The following GLRA2 variants were observed in gnomAD, a reference collection of about 807,000 sequenced individuals.
GLRA2 encodes the protein glycine receptor subunit alpha-2.
Under a neutral mutation model 31.6 loss-of-function variants are expected in GLRA2, and 11 were observed. The observed-to-expected ratio is 0.35, with a 90% CI of 0.22 to 0.58. GLRA2 has a LOEUF of 0.58. Ranked by LOEUF, GLRA2 falls within the 20% of genes least tolerant of loss-of-function variation. GLRA2 has a pLI of 0.84. For missense variants in GLRA2, 212 were observed against 351.8 expected (o/e 0.60, Z 3.18); for synonymous variants, 132 against 134.0 (o/e 0.99, Z 0.10).
chrX:14,627,874 G>A (rs780575464), intron 7 of GLRA2, among the ~76,000 whole-genome samples: 1 of 112,094 alleles, frequency 8.9e-6, no homozygotes, highest in African/African-American at 3.2e-5. Context: ...ATGGAAGACC[G>A]TTTCGTTTTA....
At chrX:14,651,327 G>C (rs183336279) in intron 7 of GLRA2, among the ~76,000 whole-genome samples, 1 of 111,279 alleles carries the variant, frequency 9.0e-6, no homozygotes, top group Non-Finnish European at 1.9e-5. Flanking sequence ...AAGCAGTGTA[G>C]TTTTTTTAGA....
intron 8 of GLRA2, among the ~76,000 whole-genome samples, chrX:14,696,149 G>A (rs1488735859): frequency 1.0e-5 from 1 of 97,802 alleles, no homozygotes; most frequent in Non-Finnish European, 2.0e-5. Flanking sequence ...AAGGAAGGAA[G>A]AAAGAAACCA....
intron 8 of GLRA2, among the ~76,000 whole-genome samples, chrX:14,708,905 T>C (rs1277921174): frequency 2.7e-5 from 3 of 109,823 alleles, no homozygotes; most frequent in African/African-American, 1.0e-4. Flanking sequence ...CATTGCACTC[T>C]AGTCTGGGCA....
At chrX:14,694,280 A>C (rs777939608) in intron 8 of GLRA2, among the ~76,000 whole-genome samples, 18 of 111,335 alleles carry the variant, frequency 1.6e-4, no homozygotes, top group Non-Finnish European at 3.0e-4. Flanking sequence ...TTTCTGCACA[A>C]TCTCACTCCC....
At chrX:14,532,451 G>T in intron 2 of GLRA2, 79 bp downstream of exon 2, 1 of 591,879 alleles carries the variant, frequency 1.7e-6, no homozygotes, top group Non-Finnish European at 2.5e-6. Context: ...AACATTTTCA[G>T]GGCTTTTAAT....
intron 7 of GLRA2, among the ~76,000 whole-genome samples, chrX:14,649,605 T>C (rs1388767904): frequency 8.9e-6 from 1 of 112,081 alleles, no homozygotes; most frequent in Non-Finnish European, 1.9e-5. Context: ...CCTTGTAATT[T>C]AAAAAAGTTA....
rs2091340180 is a variant in GLRA2 at position 14,690,799 on chromosome X, C to T, written c.1020C>T (p.Phe340=). The change falls in exon 8 of 9, where the codon TTC becomes TTT. Residue 340 remains phenylalanine (F), a synonymous_variant. Transcript: ENST00000218075. ...TACTGGAATACGCAGCGGTGAACTTCGTCTCCAGGCAACACAAGGAGTTCC... is the reference window on the plus strand; with the variant it reads ...TACTGGAATACGCAGCGGTGAACTTTGTCTCCAGGCAACACAAGGAGTTCC... ...AALLEYAAVN[F]VSRQHKEFLR... 7 of 1,200,980 alleles carry T rather than the reference C, an allele frequency of 5.8e-6. No homozygotes were observed. Among genetic ancestry groups the T allele is most frequent in the African/African-American group, 5.3e-5 (3 of 56,617 alleles).
intron 2 of GLRA2, among the ~76,000 whole-genome samples, chrX:14,542,850 G>C (rs2089424338): frequency 1.8e-5 from 2 of 109,994 alleles, no homozygotes; most frequent in Non-Finnish European, 3.8e-5. Flanking sequence ...AATGAGTTGT[G>C]TCTAACCTCC....
At chrX:14,644,330 TGGG>T (rs994072460) in intron 7 of GLRA2, among the ~76,000 whole-genome samples, 3 of 111,918 alleles carry the variant, frequency 2.7e-5, no homozygotes, top group African/African-American at 6.5e-5. Flanking sequence ...GATAGACTAG[TGGG>T]ATAGTCGAAT....
At chrX:14,525,644 C>T (rs1017056269), upstream of GLRA2, among the ~76,000 whole-genome samples, 1 of 110,904 alleles carries the variant, frequency 9.0e-6, no homozygotes, top group African/African-American at 3.3e-5. Flanking sequence ...AGTCACATAA[C>T]CAATGAGTGT....
At chrX:14,569,003 C>T (rs2089848011) in intron 2 of GLRA2, among the ~76,000 whole-genome samples, 1 of 111,689 alleles carries the variant, frequency 9.0e-6, no homozygotes, top group Non-Finnish European at 1.9e-5. Context: ...GCCTGTAATC[C>T]CAGCACTTTG....
At chrX:14,562,820 T>C (rs1244734325) in intron 2 of GLRA2, among the ~76,000 whole-genome samples, 2 of 111,397 alleles carry the variant, frequency 1.8e-5, no homozygotes, top group African/African-American at 6.5e-5. Context: ...ATAGACCTTA[T>C]CTCCAAATAT....
chrX:14,650,462 T>C (rs983510031), intron 7 of GLRA2, among the ~76,000 whole-genome samples: 1 of 110,453 alleles, frequency 9.1e-6, no homozygotes, highest in Non-Finnish European at 1.9e-5. Flanking sequence ...GAAGGGAAAA[T>C]ACATCTGAAT....
At chrX:14,664,517 C>T (rs1419622753) in intron 7 of GLRA2, among the ~76,000 whole-genome samples, 2 of 111,630 alleles carry the variant, frequency 1.8e-5, no homozygotes, top group African/African-American at 6.5e-5. Flanking sequence ...TTAGATCTTC[C>T]ATTTGATCTC....
chrX:14,728,515 G>A lies in GLRA2; in HGVS notation c.1081-1692G>A, dbSNP rs148169613. On this transcript the variant is annotated intron_variant, in intron 8 of 8. Transcript: ENST00000218075. The stretch of plus-strand genomic sequence containing the variant: ...TGTTTTCCCACCTGATTTTCCTAGA[G>A]ATCAAATTTACATGGCGAAGGATGA... 3.2e-3 allele frequency among the ~76,000 whole-genome samples: 354 copies of A among 112,146 alleles called. 1 individual carries two copies. Among genetic ancestry groups the A allele is most frequent in the African/African-American group, 0.01 (321 of 30,893 alleles).
chrX:14,692,872 A>G (rs2091381478), intron 8 of GLRA2, among the ~76,000 whole-genome samples: 1 of 111,755 alleles, frequency 8.9e-6, no homozygotes, highest in Non-Finnish European at 1.9e-5. Flanking sequence ...GGCATTACAT[A>G]ATAACAGATA....
chrX:14,522,561 G>A, the GLRA2 span, among the ~76,000 whole-genome samples: 1 of 112,179 alleles, frequency 8.9e-6, no homozygotes, highest in Non-Finnish European at 1.9e-5. Context: ...TCCATTAGAG[G>A]AATCACTGTC....
intron 3 of GLRA2, among the ~76,000 whole-genome samples, 164 bp from the exon 4 acceptor site, chrX:14,581,019 C>A (rs2074209): frequency 9.1e-6 from 1 of 110,117 alleles, no homozygotes; most frequent in African/African-American, 3.3e-5. Context: ...CCTTTTGTCC[C>A]CTCTCCTAAT....
intron 2 of GLRA2, among the ~76,000 whole-genome samples, chrX:14,551,688 G>A (rs2089567618): frequency 8.9e-6 from 1 of 111,744 alleles, no homozygotes; most frequent in African/African-American, 3.3e-5. Context: ...CCTTTCATAT[G>A]AGATTTTATC....
Sources: allele counts gnomAD v4.1 joint callset (sites outside exome capture counted in the v4.1 genomes callset), GRCh38; gene constraint gnomAD v4.1.1; transcripts MANE v1.5; gene names NCBI Gene and HGNC (gene_info 2026-07-23, HGNC 2026-07-21).